The following CUX1 variants were observed in gnomAD, a reference collection of about 807,000 sequenced individuals.
CUX1 encodes the protein protein CASP.
Under a neutral mutation model 158.8 loss-of-function variants are expected in CUX1, and 31 were observed. The ratio of observed to expected loss-of-function variants is 0.20; its 90% confidence interval spans 0.15 to 0.26. The LOEUF (loss-of-function observed/expected upper bound fraction) is 0.26, where lower values mean the gene tolerates loss of function less well. CUX1 is among the 10% of genes least tolerant of loss of function. The pLI is 1.00. For synonymous variants in CUX1, 879 were observed against 862.1 expected (o/e 1.02, Z -0.34); for missense variants, 1,589 against 2,014.6 (o/e 0.79, Z 4.04).
Position 102,248,522 on chromosome 7 carries a change from C to G in CUX1, c.3998C>G (p.Ser1333Trp). ...CGCAGCGGCCGGGCGGCGCCCAGCT[C>G]GGAGGGCGACAGCTGCGACGGCGTG... ...SARSGRAAPS[S>W]EGDSCDGVEA... Residue 1333 changes from serine to tryptophan, a missense_variant, in exon 24 of 24, where the codon TCG (serine) becomes TGG (tryptophan). Transcript: ENST00000292535. The surrounding 1 kb of genome is among the most constrained non-coding windows in gnomAD (Gnocchi z 5.8). 6.5e-7 allele frequency: 1 copy of G among 1,533,232 alleles called. No homozygotes were observed. The highest frequency in any genetic ancestry group is 8.7e-7 in the Non-Finnish European group (1 of 1,143,562). The allele number at this position is 1,533,232 out of a possible 1,614,324, so 95.0% of individuals were successfully genotyped here.
chr7:102,195,265 C>G (rs1794672280), intron 13 of CUX1, among the ~76,000 whole-genome samples: 1 of 152,066 alleles, frequency 6.6e-6, no homozygotes, highest in Non-Finnish European at 1.5e-5. Flanking sequence ...TTTTTAGGAG[C>G]TGTGGAAGTC....
At chr7:101,917,915 A>T (rs1804414090) in intron 2 of CUX1, among the ~76,000 whole-genome samples, 1 of 152,170 alleles carries the variant, frequency 6.6e-6, no homozygotes, top group Admixed American at 6.6e-5. Flanking sequence ...GCAAGCAATC[A>T]CTTGAGGTCA....
At chr7:102,051,329 A>G (rs1423106887) in intron 3 of CUX1, among the ~76,000 whole-genome samples, 1 of 151,888 alleles carries the variant, frequency 6.6e-6, no homozygotes, top group Non-Finnish European at 1.5e-5. Context: ...GCAGCATCTA[A>G]TAGACTATCA....
At chr7:102,045,658 C>T (rs1319075831) in intron 3 of CUX1, among the ~76,000 whole-genome samples, 1 of 152,292 alleles carries the variant, frequency 6.6e-6, no homozygotes, top group Admixed American at 6.5e-5. Flanking sequence ...ACGTGGAGGG[C>T]AAATTGATTT....
At chr7:102,149,029 T>G (rs1323889200) in intron 8 of CUX1, among the ~76,000 whole-genome samples, 1 of 152,140 alleles carries the variant, frequency 6.6e-6, no homozygotes, top group African/African-American at 2.4e-5. Flanking sequence ...CTGAGTAGTA[T>G]TCTGTCGTGA....
intron 2 of CUX1, among the ~76,000 whole-genome samples, chr7:102,021,583 C>T (rs1819350171): frequency 6.8e-6 from 1 of 148,046 alleles, no homozygotes; most frequent in African/African-American, 2.5e-5. Context: ...GCTGGGATTA[C>T]AGTTGTGAGC....
chr7:101,999,608 A>T (rs1816425019), intron 2 of CUX1, among the ~76,000 whole-genome samples: 2 of 152,292 alleles, frequency 1.3e-5, no homozygotes, highest in African/African-American at 4.8e-5. Flanking sequence ...TGCTCTGCTG[A>T]GGCTGGTGAC....
intron 2 of CUX1, among the ~76,000 whole-genome samples, chr7:101,953,328 G>A (rs904818065): frequency 3.3e-5 from 5 of 152,176 alleles, no homozygotes; most frequent in African/African-American, 1.2e-4. Flanking sequence ...GCGGTAAGAA[G>A]CATTTAAATA....
chr7:102,246,463 G>T lies in CUX1; in HGVS notation c.3888-1949G>T, dbSNP rs782797133. Among the ~76,000 whole-genome samples the T allele has an allele frequency of 1.8e-4, 27 of 152,238 alleles. No individual in the cohort carries two copies. In the Middle Eastern group the frequency reaches 0.024, roughly 134 times the overall value. On this transcript the variant is annotated intron_variant, in intron 23 of 23. Transcript: ENST00000292535. ...CTCCATAGCAGATTCACAACCCCCT[G>T]CACCCCACCAGAGTTCAATACCCTG...
chr7:102,281,885 T>G, exon 21 of CUX1: 1 of 1,613,634 alleles, frequency 6.2e-7, no homozygotes, highest in Non-Finnish European at 8.5e-7. Context: ...CATCGGCTTC[T>G]TCTACACACT....
chr7:101,917,921 G>A (rs1000760566), intron 2 of CUX1, among the ~76,000 whole-genome samples: 2 of 152,136 alleles, frequency 1.3e-5, no homozygotes, highest in African/African-American at 4.8e-5. Context: ...AATCACTTGA[G>A]GTCAGGAGTT....
At chr7:101,947,091 A>C (rs1400019072) in intron 2 of CUX1, among the ~76,000 whole-genome samples, 2 of 152,190 alleles carry the variant, frequency 1.3e-5, no homozygotes, top group Non-Finnish European at 2.9e-5. Context: ...AAACTTGAGT[A>C]ACTTCATTGT....
chr7:101,841,519 T>C (rs1277638045), intron 1 of CUX1, among the ~76,000 whole-genome samples: 1 of 151,972 alleles, frequency 6.6e-6, no homozygotes, highest in Non-Finnish European at 1.5e-5. Flanking sequence ...TTCTAACTTA[T>C]TTTTTTGAAT....
At chr7:102,223,189 G>T (rs1188157827) in intron 20 of CUX1, among the ~76,000 whole-genome samples, 2 of 151,810 alleles carry the variant, frequency 1.3e-5, no homozygotes, top group African/African-American at 2.4e-5. Context: ...TTGGAGGCCA[G>T]GGTGAGAAGA....
chr7:101,978,177 G>A (rs140291257), intron 2 of CUX1, among the ~76,000 whole-genome samples: 142 of 152,146 alleles, frequency 9.3e-4, no homozygotes, highest in South Asian at 6.2e-3. Context: ...GAAGGATGGC[G>A]TCTATATTTA....
At position 102,248,088 on chromosome 7, in the gene CUX1, G is replaced by C. The variant is rs1801006413; in HGVS notation, c.3888-324G>C. ...AGAGGTTGCAGTCTGCGGAGATTGA[G>C]CCACTGCACTCCACCTGGGCAGCAA... On this transcript the variant is annotated intron_variant, in intron 23 of 23. Coordinates refer to ENST00000292535, the MANE Select transcript of CUX1 (RefSeq NM_181552.4). This position sits in a 1 kb window ranked among gnomAD's most constrained non-coding sequence, Gnocchi z 5.8. Among the ~76,000 whole-genome samples the C allele has an allele frequency of 6.6e-6, 1 of 152,008 alleles. No individual in the cohort carries two copies.
At chr7:102,199,451 C>T (rs1795160763) in intron 16 of CUX1, among the ~76,000 whole-genome samples, 2 of 152,254 alleles carry the variant, frequency 1.3e-5, no homozygotes, top group Non-Finnish European at 2.9e-5. Context: ...TTCGTCGGCA[C>T]GTGTGCCTGC....
chr7:101,928,075 C>T (rs939842422), intron 2 of CUX1, among the ~76,000 whole-genome samples: 9 of 152,164 alleles, frequency 5.9e-5, no homozygotes, highest in South Asian at 2.1e-4. Flanking sequence ...GTATAAAAGA[C>T]GCATTATCTG....
intron 22 of CUX1, among the ~76,000 whole-genome samples, chr7:102,234,598 C>T (rs1405377076): frequency 6.6e-6 from 1 of 151,988 alleles, no homozygotes; most frequent in Non-Finnish European, 1.5e-5. Flanking sequence ...TAGAGGCCTT[C>T]CTTTGTTATC....
Sources: gnomAD v4.1 joint callset for allele counts (sites outside exome capture counted in the v4.1 genomes callset) on GRCh38, gnomAD v4.1.1 for gene constraint, Gnocchi (gnomAD v3.1) non-coding constraint, MANE v1.5 for transcripts, NCBI Gene and HGNC (gene_info 2026-07-23, HGNC 2026-07-21) for gene names.